Variants in ADD1 observed in about 807,000 individuals in gnomAD.
ADD1 encodes the protein alpha-adducin.
A neutral mutation model predicts 80.5 loss-of-function variants in ADD1; 24 were observed. The ratio of observed to expected loss-of-function variants is 0.30; its 90% CI spans 0.22 to 0.42. The LOEUF is 0.42. Ranked by LOEUF, ADD1 falls within the 10% of genes least tolerant of loss-of-function variation. The pLI is 1.00. For missense variants in ADD1, 948 were observed against 1,019.0 expected (o/e 0.93, Z 0.95); for synonymous variants, 373 against 393.8 (o/e 0.95, Z 0.63).
At chr4:2,920,168 C>T (rs1252070648) in intron 14 of ADD1, among the ~76,000 whole-genome samples, 1 of 152,162 alleles carries the variant, frequency 6.6e-6, no homozygotes, top group Non-Finnish European at 1.5e-5. Context: ...TTTCTTAATC[C>T]TGAGTTCTAA....
Position 2,908,690 on chromosome 4 carries a change from C to CT in ADD1, c.1698+89dup, listed in dbSNP as rs1737477776. 5 of 1,141,254 alleles carry CT rather than the reference C, an allele frequency of 4.4e-6. No individual in the cohort carries two copies. In the East Asian group the frequency reaches 1.2e-4, roughly 27 times the overall value. 70.7% of individuals were successfully genotyped at this position (1,141,254 alleles called of 1,614,324 possible). A position where few individuals can be genotyped will look rare whatever the true frequency, so the allele number is the denominator to read the frequency against. Reference sequence around the variant, plus strand: ...AGTTATTCTGAAATTGAGAGAGTGACTTTATGAGGTAAGTATTCTAGGCAA... The same window carrying CT: ...AGTTATTCTGAAATTGAGAGAGTGACTTTTATGAGGTAAGTATTCTAGGCAA... On this transcript the variant is annotated intron_variant, in intron 12 of 15. Transcript: ENST00000683351.
At chr4:2,867,374 C>G (rs1729705574) in intron 1 of ADD1, among the ~76,000 whole-genome samples, 1 of 152,098 alleles carries the variant, frequency 6.6e-6, no homozygotes, top group Non-Finnish European at 1.5e-5. Context: ...ATGAGTGGAA[C>G]CAACCTCTGA....
chr4:2,876,838 C>CAAAAAA (rs35435678), intron 2 of ADD1, among the ~76,000 whole-genome samples: 3 of 128,064 alleles, frequency 2.3e-5, no homozygotes, highest in Non-Finnish European at 5.0e-5. Context: ...GACTCCGTCC[C>CAAAAAA]AAAAAAAAAA....
rs115976146 is a variant in ADD1, at chr4:2,910,806, C to T, written c.1791+1375C>T. ...TACCTTCTGAACACCATGCTCACTG[C>T]GAGTGCTGCATCCAGGTGTCATTAG... On this transcript the variant is annotated intron_variant, in intron 13 of 15. Transcript: ENST00000683351. Among the ~76,000 whole-genome samples the T allele has an allele frequency of 3.7e-3, 563 of 152,286 alleles. 5 individuals are homozygous for T. The highest frequency in any genetic ancestry group is 0.013 in the African/African-American group (543 of 41,566).
At position 2,893,999 on chromosome 4, in the gene ADD1, C is replaced by T. The variant is rs759703644; in HGVS notation, c.511-14C>T. 1 of 1,611,426 alleles carries T rather than the reference C, an allele frequency of 6.2e-7. No individual in the cohort carries two copies. Among genetic ancestry groups the T allele is most frequent in the South Asian group, 1.1e-5 (1 of 91,002 alleles). Reference sequence around the variant, plus strand: ...ACTTGGATCTTTGAGCTAATTCAGTCATTTTCCCCACAGACCAGAGTGAAC... The same window carrying T: ...ACTTGGATCTTTGAGCTAATTCAGTTATTTTCCCCACAGACCAGAGTGAAC... On this transcript the variant is annotated splice_polypyrimidine_tract_variant and intron_variant, in intron 4 of 15. Transcript: ENST00000683351.
intron 2 of ADD1, among the ~76,000 whole-genome samples, chr4:2,877,783 G>C (rs951639182): frequency 6.6e-6 from 1 of 152,124 alleles, no homozygotes; most frequent in Non-Finnish European, 1.5e-5. Context: ...CCAGGAGTTC[G>C]AGACCAGCCT....
intron 13 of ADD1, 63 bp downstream of exon 13, chr4:2,909,494 C>T: frequency 9.0e-7 from 1 of 1,112,348 alleles, no homozygotes; most frequent in Non-Finnish European, 1.3e-6. Context: ...TCCCCCCTCC[C>T]CGTCTCCTCT....
Position 2,926,769 on chromosome 4 carries a change from T to G in ADD1, c.2047+657T>G. The G allele has an allele frequency of 7.1e-7, 1 of 1,409,104 alleles. No individual in the cohort carries two copies. The highest frequency in any genetic ancestry group is 9.8e-7 in the Non-Finnish European group (1 of 1,025,508). 87.3% of individuals were successfully genotyped at this position (1,409,104 alleles called of 1,614,324 possible). A position where few individuals can be genotyped will look rare whatever the true frequency, so the allele number is the denominator to read the frequency against. ...TGTTTATTAAGTTTTGTTTTCTGTT[T>G]ATTTAAAATAAAAACAGAAGCCCCC... On this transcript the variant is annotated intron_variant, in intron 15 of 15. Transcript: ENST00000683351. This position sits in a 1 kb window ranked among gnomAD's most constrained non-coding sequence, Gnocchi z 5.0.
At chr4:2,903,492 A>C (rs922820060) in intron 9 of ADD1, among the ~76,000 whole-genome samples, 2 of 152,172 alleles carry the variant, frequency 1.3e-5, no homozygotes, top group Non-Finnish European at 2.9e-5. Context: ...TCTCATCAGG[A>C]GACTTGACTC....
At chr4:2,879,404 T>G (rs1453062995) in intron 2 of ADD1, among the ~76,000 whole-genome samples, 2 of 152,204 alleles carry the variant, frequency 1.3e-5, no homozygotes, top group Non-Finnish European at 2.9e-5. Flanking sequence ...TATCAGTATG[T>G]ATATCCTTAG....
At chr4:2,850,741 TA>T (rs1286714873) in intron 1 of ADD1, among the ~76,000 whole-genome samples, 2 of 150,848 alleles carry the variant, frequency 1.3e-5, no homozygotes, top group Non-Finnish European at 2.9e-5. Context: ...GGCTAATTTT[TA>T]TATTTGTAGT....
chr4:2,917,196 G>T (rs1739228604), intron 14 of ADD1, among the ~76,000 whole-genome samples: 1 of 152,214 alleles, frequency 6.6e-6, no homozygotes, highest in Non-Finnish European at 1.5e-5. Flanking sequence ...TCCAGCTTCT[G>T]TTGTTTCCTC....
intron 14 of ADD1, among the ~76,000 whole-genome samples, chr4:2,918,756 C>T (rs544391137): frequency 3.3e-5 from 5 of 151,738 alleles, no homozygotes; most frequent in East Asian, 1.9e-4. Flanking sequence ...GCTTTTTCTG[C>T]GTCTATTGAG....
intron 1 of ADD1, among the ~76,000 whole-genome samples, chr4:2,857,770 G>A (rs889138906): frequency 6.6e-6 from 1 of 152,162 alleles, no homozygotes; most frequent in African/African-American, 2.4e-5. Context: ...TGAGTGAGGT[G>A]TGTTGGTGTG....
intron 1 of ADD1, among the ~76,000 whole-genome samples, chr4:2,873,552 T>C (rs977721833): frequency 6.6e-6 from 1 of 152,252 alleles, no homozygotes; most frequent in African/African-American, 2.4e-5. Flanking sequence ...GGGAAAGTAA[T>C]ACCTGCCTTA....
rs1159675476 is a variant in ADD1, at chr4:2,862,077, G to A, written c.-20-13819G>A. Among the ~76,000 whole-genome samples the A allele has an allele frequency of 2.6e-5, 4 of 152,172 alleles. No individual in the cohort carries two copies. The East Asian group carries it at 7.7e-4, about 29-fold the overall frequency. ...TAGCTAGGGAAGACAAGCAGCTCAG[G>A]GTACTGGGGCAGCCCAGCAGGTAGA... On this transcript the variant is annotated intron_variant, in intron 1 of 15. Transcript: ENST00000683351.
At chr4:2,914,712 TA>T (rs1368737619) in intron 13 of ADD1, 171 bp from the exon 14 acceptor site, 3 of 652,664 alleles carry the variant, frequency 4.6e-6, no homozygotes, top group Non-Finnish European at 7.8e-6. Context: ...TTCCATTATA[TA>T]CCACTGAAGG....
At chr4:2,851,472 A>G (rs934394666) in intron 1 of ADD1, among the ~76,000 whole-genome samples, 4 of 152,198 alleles carry the variant, frequency 2.6e-5, no homozygotes, top group East Asian at 1.9e-4. Flanking sequence ...AGAAGATGCA[A>G]TAGAGAGCCT....
chr4:2,926,266 C>G lies in ADD1; in HGVS notation c.2047+154C>G. The G allele has an allele frequency of 1.3e-6, 1 of 769,466 alleles. No individual in the cohort carries two copies. Among genetic ancestry groups the G allele is most frequent in the Non-Finnish European group, 2.3e-6 (1 of 437,104 alleles). 47.7% of individuals were successfully genotyped at this position (769,466 alleles called of 1,614,324 possible). Reference sequence around the variant, plus strand: ...ACACCTTTCTCCTCCTATATTGCTTCTGTCCTGGGTAACTCCAGGCAAAAC... The same window carrying G: ...ACACCTTTCTCCTCCTATATTGCTTGTGTCCTGGGTAACTCCAGGCAAAAC... On this transcript the variant is annotated intron_variant, in intron 15 of 15. Coordinates refer to ENST00000683351, the MANE Select transcript of ADD1 (RefSeq NM_001354761.2). The surrounding 1 kb of genome is among the most constrained non-coding windows in gnomAD (Gnocchi z 5.0).
Sources: allele counts gnomAD v4.1 joint callset (sites outside exome capture counted in the v4.1 genomes callset), GRCh38; gene constraint gnomAD v4.1.1; non-coding constraint Gnocchi (gnomAD v3.1); transcripts MANE v1.5; gene names NCBI Gene and HGNC (gene_info 2026-07-23, HGNC 2026-07-21).